The following CNBD1 variants were observed in gnomAD, a reference collection of about 807,000 sequenced individuals.
CNBD1 encodes cyclic nucleotide binding domain containing 1.
A neutral mutation model predicts 54.4 loss-of-function variants in CNBD1; 71 were observed. That is an observed-to-expected ratio of 1.30 (90% confidence interval 1.08 to 1.59). The LOEUF is 1.59. Among genes scored for constraint, CNBD1 ranks in the 40% most tolerant of loss-of-function variants. CNBD1 has a pLI of 0.00. For synonymous variants in CNBD1, 182 were observed against 170.7 expected, an observed-to-expected ratio of 1.07 and a Z score of -0.51; for missense variants, 659 against 518.0, an observed-to-expected ratio of 1.27 and a Z score of -2.64.
At chr8:86,872,180 C>T (rs1808451951) in intron 1 of CNBD1, among the ~76,000 whole-genome samples, 1 of 152,118 alleles carries the variant, frequency 6.6e-6, no homozygotes, top group Non-Finnish European at 1.5e-5. Context: ...AAAATATTCC[C>T]TTAATTACAC....
rs543093690 is a variant in CNBD1, at chr8:87,135,471, A to G, written c.432-70522A>G. 3.3e-5 allele frequency among the ~76,000 whole-genome samples: 5 copies of G among 151,322 alleles called. No individual in the cohort carries two copies. The East Asian group carries it at 5.8e-4, about 18-fold the overall frequency. On this transcript the variant is annotated intron_variant, in intron 4 of 10. Coordinates refer to ENST00000518476, the MANE Select transcript of CNBD1 (RefSeq NM_173538.3). The stretch of plus-strand genomic sequence containing the variant: ...GTAGATTACCAAATAAGTATTAAAC[A>G]TGTGTTGCTAGTGTATATTTTGATG...
At chr8:87,323,674 G>A (rs1809594149) in intron 8 of CNBD1, among the ~76,000 whole-genome samples, 2 of 135,928 alleles carry the variant, frequency 1.5e-5, no homozygotes, top group African/African-American at 5.5e-5. Flanking sequence ...CTTTGCTGAA[G>A]TTGCTTATCA....
At chr8:87,356,155 C>G (rs1018562534) in intron 10 of CNBD1, among the ~76,000 whole-genome samples, 8 of 152,258 alleles carry the variant, frequency 5.3e-5, no homozygotes, top group Non-Finnish European at 1.0e-4. Context: ...ATAAATTACC[C>G]AGCTTCAGAT....
At chr8:87,274,040 G>A (rs927037235) in intron 6 of CNBD1, among the ~76,000 whole-genome samples, 4 of 151,266 alleles carry the variant, frequency 2.6e-5, no homozygotes, top group Admixed American at 1.3e-4. Flanking sequence ...TTGTTCTTGC[G>A]ATAGTTTACT....
At chr8:87,053,093 T>C (rs1810344921) in intron 4 of CNBD1, among the ~76,000 whole-genome samples, 1 of 152,180 alleles carries the variant, frequency 6.6e-6, no homozygotes, top group Non-Finnish European at 1.5e-5. Flanking sequence ...AATTAGTTTC[T>C]CTGATTTTGG....
intron 8 of CNBD1, among the ~76,000 whole-genome samples, chr8:87,332,730 G>T (rs745710424): frequency 6.6e-6 from 1 of 152,058 alleles, no homozygotes; most frequent in East Asian, 1.9e-4. Flanking sequence ...ATGTTTCATT[G>T]GTCTGTATGT....
chr8:87,226,672 A>G (rs1044274255), intron 5 of CNBD1, among the ~76,000 whole-genome samples: 3 of 151,786 alleles, frequency 2.0e-5, no homozygotes, highest in African/African-American at 7.3e-5. Flanking sequence ...TATGTGGTCA[A>G]TTTTGGAATA....
chr8:86,972,142 G>C (rs570320407), intron 4 of CNBD1, among the ~76,000 whole-genome samples: 1 of 151,962 alleles, frequency 6.6e-6, no homozygotes, highest in Non-Finnish European at 1.5e-5. Context: ...AGTAGAGACG[G>C]GGTTTCACCA....
intron 4 of CNBD1, among the ~76,000 whole-genome samples, chr8:86,982,440 T>A (rs1247953895): frequency 6.6e-6 from 1 of 152,182 alleles, no homozygotes; most frequent in Non-Finnish European, 1.5e-5. Context: ...CATGTAAGCC[T>A]GTGATCCATT....
chr8:87,133,412 T>C (rs762581423), intron 4 of CNBD1, among the ~76,000 whole-genome samples: 202 of 152,334 alleles, frequency 1.3e-3, no homozygotes, highest in Non-Finnish European at 2.4e-3. Flanking sequence ...TTTCCTGTAG[T>C]AGCAGAAACT....
rs1586300147 is a variant in CNBD1 at position 87,163,693 on chromosome 8, T to C, written c.432-42300T>C. Reference sequence around the variant, plus strand: ...CAAATTTATTGAATTTGCTTATTAGTTCTAACAGTTTTTTTGTTGGCGTCT... The same window carrying C: ...CAAATTTATTGAATTTGCTTATTAGCTCTAACAGTTTTTTTGTTGGCGTCT... On this transcript the variant is annotated intron_variant, in intron 4 of 10. Coordinates refer to ENST00000518476, the MANE Select transcript of CNBD1 (RefSeq NM_173538.3). The surrounding 1 kb of genome is among the most constrained non-coding windows in gnomAD (Gnocchi z 4.5). Among the ~76,000 whole-genome samples, 2 of 151,930 alleles carry C rather than the reference T, an allele frequency of 1.3e-5. No individual in the cohort carries two copies. The highest frequency in any genetic ancestry group is 4.8e-5 in the African/African-American group (2 of 41,444).
intron 9 of CNBD1, among the ~76,000 whole-genome samples, chr8:87,352,763 A>G (rs1397728280): frequency 6.6e-6 from 1 of 152,214 alleles, no homozygotes; most frequent in East Asian, 1.9e-4. Context: ...AGAACTAATC[A>G]TTAGTTGGTC....
At chr8:87,183,103 T>G (rs950768157) in intron 4 of CNBD1, among the ~76,000 whole-genome samples, 1 of 152,250 alleles carries the variant, frequency 6.6e-6, no homozygotes, top group Non-Finnish European at 1.5e-5. Flanking sequence ...GGTCCAGTTT[T>G]AGTCTAACTT....
At chr8:87,370,954 A>T (rs1336306545) in intron 10 of CNBD1, among the ~76,000 whole-genome samples, 2 of 151,016 alleles carry the variant, frequency 1.3e-5, no homozygotes, top group South Asian at 4.2e-4. Flanking sequence ...ATGGCTAGCC[A>T]GTTTTCCCAG....
chr8:87,057,277 C>A (rs980163680), intron 4 of CNBD1, among the ~76,000 whole-genome samples: 1 of 152,118 alleles, frequency 6.6e-6, no homozygotes, highest in African/African-American at 2.4e-5. Context: ...AGGAAGCAAA[C>A]ACGTTCTTCT....
intron 4 of CNBD1, among the ~76,000 whole-genome samples, chr8:87,071,452 A>G (rs1366943969): frequency 4.6e-5 from 7 of 152,146 alleles, no homozygotes; most frequent in African/African-American, 1.2e-4. Flanking sequence ...AAAGTCAAAC[A>G]TACCCACACA....
chr8:86,951,812 A>C (rs1336674784), intron 4 of CNBD1, among the ~76,000 whole-genome samples: 1 of 151,978 alleles, frequency 6.6e-6, no homozygotes, highest in East Asian at 1.9e-4. Flanking sequence ...AAAGAAAAAA[A>C]AATCTTGGGA....
intron 8 of CNBD1, among the ~76,000 whole-genome samples, chr8:87,293,011 T>C (rs1194145224): frequency 6.6e-6 from 1 of 152,158 alleles, no homozygotes; most frequent in Non-Finnish European, 1.5e-5. Context: ...GACTTTTTAT[T>C]TAAGTTAGAT....
At chr8:87,209,567 A>C (rs1482004545) in intron 5 of CNBD1, among the ~76,000 whole-genome samples, 5 of 152,144 alleles carry the variant, frequency 3.3e-5, no homozygotes, top group Admixed American at 6.5e-5. Context: ...TCATGGGTTG[A>C]AAAAATTAAT....
Sources: gnomAD v4.1 joint callset for allele counts (sites outside exome capture counted in the v4.1 genomes callset) on GRCh38, gnomAD v4.1.1 for gene constraint, Gnocchi (gnomAD v3.1) non-coding constraint, MANE v1.5 for transcripts, NCBI Gene and HGNC (gene_info 2026-07-23, HGNC 2026-07-21) for gene names.